MIPOL1: variants seen among roughly 807,000 people sequenced by gnomAD.
MIPOL1 encodes the protein mirror-image polydactyly 1.
A neutral mutation model predicts 60.9 loss-of-function variants in MIPOL1; 57 were observed. The observed-to-expected ratio is 0.94, with a 90% CI of 0.76 to 1.17. The LOEUF (loss-of-function observed/expected upper bound fraction) is 1.17, where lower values mean the gene tolerates loss of function less well. Ranked by LOEUF, MIPOL1 falls within the 50% of genes most tolerant of loss-of-function variation. MIPOL1 has a pLI of 0.00. For synonymous variants in MIPOL1, 179 were observed against 168.8 expected, an observed-to-expected ratio of 1.06 and a Z score of -0.47; for missense variants, 551 against 511.6, an observed-to-expected ratio of 1.08 and a Z score of -0.74.
At chr14:37,390,222 G>C (rs1324033663) in intron 10 of MIPOL1, among the ~76,000 whole-genome samples, 1 of 150,584 alleles carries the variant, frequency 6.6e-6, no homozygotes, top group East Asian at 2.0e-4. Context: ...TCCTTCTCAA[G>C]AAAAAAAACA....
intron 1 of MIPOL1, among the ~76,000 whole-genome samples, chr14:37,245,341 T>C (rs1466024751): frequency 6.6e-6 from 1 of 152,164 alleles, no homozygotes; most frequent in Non-Finnish European, 1.5e-5. Context: ...GAAAGATGCA[T>C]GAATGGTCAT....
At chr14:37,425,404 G>A (rs1330340170) in intron 11 of MIPOL1, among the ~76,000 whole-genome samples, 2 of 152,038 alleles carry the variant, frequency 1.3e-5, no homozygotes, top group African/African-American at 4.8e-5. Flanking sequence ...GAGTCTAGTA[G>A]GATTATATGA....
chr14:37,267,038 G>A lies in MIPOL1; in HGVS notation c.120G>A (p.Arg40=), dbSNP rs1262570017. Residue 40 remains arginine (R), a synonymous_variant, in exon 4 of 13, where the codon CGG becomes CGA. Transcript: ENST00000684589. ...LTMNSEKSMH[R]KSTELVNEIT... ...TGAATTCTGAGAAAAGTATGCATCG[G>A]AAATCCACTGAATTAGTTAATGAAA... 4.3e-6 allele frequency: 7 copies of A among 1,613,822 alleles called. No homozygotes were observed. Among genetic ancestry groups the A allele is most frequent in the Non-Finnish European group, 5.9e-6 (7 of 1,179,942 alleles).
At chr14:37,272,784 C>T (rs1472250717) in intron 6 of MIPOL1, among the ~76,000 whole-genome samples, 14 of 151,550 alleles carry the variant, frequency 9.2e-5, no homozygotes, top group Admixed American at 3.9e-4. Context: ...TAAGCACGCA[C>T]ACATACATAA....
intron 10 of MIPOL1, among the ~76,000 whole-genome samples, chr14:37,391,135 A>T (rs1452843726): frequency 6.6e-6 from 1 of 152,154 alleles, no homozygotes; most frequent in African/African-American, 2.4e-5. Context: ...GCTCCAAAAA[A>T]AAAGCCAGTG....
chr14:37,348,411 G>A (rs1422412450), intron 9 of MIPOL1, among the ~76,000 whole-genome samples: 1 of 152,064 alleles, frequency 6.6e-6, no homozygotes, highest in Non-Finnish European at 1.5e-5. Context: ...ACTCATCACA[G>A]TAATCAAATG....
At chr14:37,473,591 T>C (rs1327669452) in intron 11 of MIPOL1, among the ~76,000 whole-genome samples, 1 of 152,088 alleles carries the variant, frequency 6.6e-6, no homozygotes, top group East Asian at 1.9e-4. Context: ...CTTTCTTTAT[T>C]AGAACAGTTT....
intron 11 of MIPOL1, among the ~76,000 whole-genome samples, chr14:37,452,058 G>T (rs547781797): frequency 2.0e-5 from 3 of 151,312 alleles, no homozygotes; most frequent in South Asian, 2.1e-4. Flanking sequence ...CTCGTGATCC[G>T]CCCGCCTCGG....
chr14:37,237,370 A>G (rs1319868376), intron 1 of MIPOL1, among the ~76,000 whole-genome samples: 1 of 152,188 alleles, frequency 6.6e-6, no homozygotes, highest in African/African-American at 2.4e-5. Flanking sequence ...GGATGGGGGA[A>G]GAGCAAGTGA....
chr14:37,511,832 G>C (rs1472030169), intron 12 of MIPOL1, among the ~76,000 whole-genome samples: 1 of 152,092 alleles, frequency 6.6e-6, no homozygotes, highest in Non-Finnish European at 1.5e-5. Context: ...ACAGTGATAT[G>C]ATTCAAATTC....
chr14:37,369,478 A>G lies in MIPOL1; in HGVS notation c.829-39A>G, dbSNP rs765203620. On this transcript the variant is annotated intron_variant, in intron 9 of 12. Transcript: ENST00000684589. Reference sequence around the variant, plus strand: ...ATGTGGCTTGGTGAAAAAAAATGCTATAACTCCTTTACTTAATGGGATTCT... The same window carrying G: ...ATGTGGCTTGGTGAAAAAAAATGCTGTAACTCCTTTACTTAATGGGATTCT... 1.6e-5 allele frequency: 23 copies of G among 1,476,680 alleles called. No homozygotes were observed. In the Middle Eastern group the frequency reaches 5.2e-4, roughly 33 times the overall value. 91.5% of individuals were successfully genotyped at this position (1,476,680 alleles called of 1,614,324 possible).
intron 1 of MIPOL1, among the ~76,000 whole-genome samples, chr14:37,239,429 A>G (rs1052112605): frequency 2.0e-5 from 3 of 152,040 alleles, no homozygotes; most frequent in Non-Finnish European, 4.4e-5. Flanking sequence ...AGCTCAGTTG[A>G]TTTGTCATTT....
intron 9 of MIPOL1, among the ~76,000 whole-genome samples, chr14:37,334,544 A>C (rs924196837): frequency 2.0e-5 from 3 of 152,020 alleles, no homozygotes; most frequent in Non-Finnish European, 4.4e-5. Context: ...TCATACCCTT[A>C]AAGTATACAA....
At chr14:37,429,457 A>G (rs2094021966) in intron 11 of MIPOL1, among the ~76,000 whole-genome samples, 1 of 152,132 alleles carries the variant, frequency 6.6e-6, no homozygotes, top group Non-Finnish European at 1.5e-5. Context: ...AGAATATGGT[A>G]AAGTTGACAT....
intron 11 of MIPOL1, among the ~76,000 whole-genome samples, chr14:37,489,960 T>A (rs1950819): frequency 3.9e-5 from 6 of 151,986 alleles, no homozygotes; most frequent in South Asian, 2.1e-4. Flanking sequence ...AGTCTGACCC[T>A]TAGCATAGCT....
chr14:37,393,712 T>C (rs2093306359), intron 10 of MIPOL1, among the ~76,000 whole-genome samples: 1 of 151,840 alleles, frequency 6.6e-6, no homozygotes, highest in South Asian at 2.1e-4. Context: ...TTTTAATTTT[T>C]CCATAGGTTT....
At chr14:37,345,808 TTA>T (rs1166332217) in intron 9 of MIPOL1, among the ~76,000 whole-genome samples, 2 of 152,218 alleles carry the variant, frequency 1.3e-5, no homozygotes, top group Non-Finnish European at 2.9e-5. Context: ...AAAATAAAAC[TTA>T]TGTGTGTTCA....
chr14:37,346,747 T>C (rs2090974094), intron 9 of MIPOL1, among the ~76,000 whole-genome samples: 1 of 152,060 alleles, frequency 6.6e-6, no homozygotes, highest in Non-Finnish European at 1.5e-5. Flanking sequence ...GATATGGCCA[T>C]GCGAGGTGAG....
intron 7 of MIPOL1, among the ~76,000 whole-genome samples, chr14:37,290,905 A>C (rs1236670536): frequency 6.6e-6 from 1 of 152,020 alleles, no homozygotes; most frequent in Non-Finnish European, 1.5e-5. Context: ...GTTGTTCCAC[A>C]GTATGTGTCC....
Sources: allele counts gnomAD v4.1 joint callset (sites outside exome capture counted in the v4.1 genomes callset), GRCh38; gene constraint gnomAD v4.1.1; transcripts MANE v1.5; gene names NCBI Gene and HGNC (gene_info 2026-07-23, HGNC 2026-07-21).